STXBP5L: variants seen among roughly 807,000 people sequenced by gnomAD.
STXBP5L encodes the protein syntaxin binding protein 5L, also known as syntaxin-binding protein 5-like.
Under a neutral mutation model 144.5 loss-of-function variants are expected in STXBP5L, and 65 were observed. That is an observed-to-expected ratio of 0.45 (90% CI 0.37 to 0.55). The LOEUF (loss-of-function observed/expected upper bound fraction) is 0.55. STXBP5L is among the 20% of genes least tolerant of loss of function. STXBP5L has a pLI of 0.00. For missense variants in STXBP5L, 1,298 were observed against 1,405.5 expected (o/e 0.92, Z 1.22); for synonymous variants, 505 against 469.6 (o/e 1.08, Z -0.97).
intron 3 of STXBP5L, among the ~76,000 whole-genome samples, chr3:120,980,518 C>G (rs1165758466): frequency 6.6e-6 from 1 of 150,698 alleles, no homozygotes; most frequent in Admixed American, 6.6e-5. Flanking sequence ...GTAAGTATAG[C>G]TATTCCTGCT....
intron 5 of STXBP5L, among the ~76,000 whole-genome samples, chr3:121,053,145 A>G (rs1046513309): frequency 5.3e-5 from 8 of 152,336 alleles, no homozygotes; most frequent in Non-Finnish European, 1.2e-4. Flanking sequence ...AAGAATCAAT[A>G]TCGTGAAAAT....
chr3:121,218,093 GTATAATA>G (rs1236556062), intron 10 of STXBP5L, among the ~76,000 whole-genome samples: 1 of 138,340 alleles, frequency 7.2e-6, no homozygotes, highest in Non-Finnish European at 1.5e-5. Context: ...ATAATATATA[GTATAATA>G]TATAATATAC....
At chr3:120,963,242 C>G (rs533251198) in intron 3 of STXBP5L, among the ~76,000 whole-genome samples, 4 of 152,314 alleles carry the variant, frequency 2.6e-5, no homozygotes, top group East Asian at 1.9e-4. Flanking sequence ...TTGACTTCCT[C>G]TTTTCCCAAT....
At chr3:121,176,664 G>A (rs1456948355) in intron 9 of STXBP5L, among the ~76,000 whole-genome samples, 1 of 151,614 alleles carries the variant, frequency 6.6e-6, no homozygotes, top group Non-Finnish European at 1.5e-5. Context: ...CTTCAAGAAA[G>A]TAAGTCAATA....
intron 3 of STXBP5L, among the ~76,000 whole-genome samples, chr3:121,030,285 C>T (rs1353049034): frequency 6.6e-6 from 1 of 152,104 alleles, no homozygotes; most frequent in Non-Finnish European, 1.5e-5. Context: ...ACCCAAATGC[C>T]CATCAGTGAT....
chr3:121,288,973 G>T (rs1559938984), intron 19 of STXBP5L, among the ~76,000 whole-genome samples: 1 of 152,148 alleles, frequency 6.6e-6, no homozygotes, highest in Non-Finnish European at 1.5e-5. Flanking sequence ...CTACTTGAGG[G>T]TGGAGTGTGA....
intron 5 of STXBP5L, among the ~76,000 whole-genome samples, chr3:121,073,591 A>G (rs1252371478): frequency 6.6e-6 from 1 of 152,182 alleles, no homozygotes; most frequent in East Asian, 1.9e-4. Context: ...TTTCATGGAC[A>G]TACAGGTAAA....
At chr3:120,960,774 G>C (rs145476321) in intron 3 of STXBP5L, among the ~76,000 whole-genome samples, 122 of 152,172 alleles carry the variant, frequency 8.0e-4, no homozygotes, top group African/African-American at 2.8e-3. Context: ...GTGGGGGCAG[G>C]GGGGAGGGAT....
At chr3:121,257,127 G>C in intron 16 of STXBP5L, 34 bp from the exon 17 acceptor site, 1 of 1,481,136 alleles carries the variant, frequency 6.8e-7, no homozygotes. Flanking sequence ...TTATTAGTGT[G>C]ACTTAAATTA....
chr3:121,350,095 A>G (rs1305838730), intron 20 of STXBP5L, among the ~76,000 whole-genome samples: 1 of 152,112 alleles, frequency 6.6e-6, no homozygotes, highest in Non-Finnish European at 1.5e-5. Context: ...AGTGGCTGGT[A>G]CCAGTTATTC....
At chr3:121,057,954 A>G (rs1948576074) in intron 5 of STXBP5L, among the ~76,000 whole-genome samples, 1 of 151,374 alleles carries the variant, frequency 6.6e-6, no homozygotes, top group African/African-American at 2.4e-5. Context: ...TCTTTTATTT[A>G]TGTTTTTTGT....
intron 2 of STXBP5L, among the ~76,000 whole-genome samples, chr3:120,942,350 G>A (rs1194998839): frequency 6.6e-6 from 1 of 151,516 alleles, no homozygotes; most frequent in Non-Finnish European, 1.5e-5. Context: ...TGTAATTTCT[G>A]TAGTATTCAA....
intron 3 of STXBP5L, among the ~76,000 whole-genome samples, chr3:121,013,763 T>C (rs1944947410): frequency 6.6e-6 from 1 of 152,078 alleles, no homozygotes; most frequent in Non-Finnish European, 1.5e-5. Flanking sequence ...TCTAAGATTG[T>C]GTAGTTTGAG....
chr3:121,218,023 GTATAATATACTA>G lies in STXBP5L; in HGVS notation c.957-4963_957-4952del, dbSNP rs994187839. 4.2e-5 allele frequency among the ~76,000 whole-genome samples: 6 copies of G among 142,230 alleles called. No individual in the cohort carries two copies. The East Asian group carries it at 8.0e-4, about 19-fold the overall frequency. 93.3% of individuals were successfully genotyped at this position (142,230 alleles called of 152,430 possible). ...TATATAGTATAATATATATACTATAGTATAATATACTATATAATATACTATATATAATATATA... is the reference window on the plus strand; with the variant it reads ...TATATAGTATAATATATATACTATAGTATAATATACTATATATAATATATA... On this transcript the variant is annotated intron_variant, in intron 10 of 26. Transcript: ENST00000471454.
intron 5 of STXBP5L, among the ~76,000 whole-genome samples, chr3:121,100,163 C>T (rs2107776522): frequency 6.6e-6 from 1 of 152,212 alleles, no homozygotes; most frequent in South Asian, 2.1e-4. Context: ...GTCTTTAAAA[C>T]CCCATTGGCA....
At chr3:121,054,291 C>G (rs1307922321) in intron 5 of STXBP5L, among the ~76,000 whole-genome samples, 1 of 151,878 alleles carries the variant, frequency 6.6e-6, no homozygotes, top group East Asian at 1.9e-4. Flanking sequence ...CACATGTGCA[C>G]GAATGTTTAT....
chr3:121,409,227 C>T (rs942157502), intron 23 of STXBP5L, among the ~76,000 whole-genome samples: 7 of 151,464 alleles, frequency 4.6e-5, no homozygotes, highest in Admixed American at 6.6e-5. Context: ...GGGTATTCTA[C>T]GTTTATGTAG....
chr3:120,992,512 A>T (rs765424802), intron 3 of STXBP5L, among the ~76,000 whole-genome samples: 1 of 151,672 alleles, frequency 6.6e-6, no homozygotes, highest in African/African-American at 2.4e-5. Flanking sequence ...CATGAGATCA[A>T]TTTTTTTTAT....
intron 9 of STXBP5L, among the ~76,000 whole-genome samples, chr3:121,203,421 G>T (rs143774284): frequency 5.3e-4 from 81 of 151,940 alleles, no homozygotes; most frequent in African/African-American, 1.9e-3. Flanking sequence ...ACTTCATATT[G>T]TCATTTTTAC....
Sources: allele counts gnomAD v4.1 joint callset (sites outside exome capture counted in the v4.1 genomes callset), GRCh38; gene constraint gnomAD v4.1.1; transcripts MANE v1.5; gene names NCBI Gene and HGNC (gene_info 2026-07-23, HGNC 2026-07-21).